The following CPED1 variants were observed in gnomAD, a reference collection of about 807,000 sequenced individuals.
The protein encoded by CPED1 is cadherin-like and PC-esterase domain-containing protein 1.
CPED1 carries 114 observed loss-of-function variants against 128.2 expected under a neutral mutation model. The ratio of observed to expected loss-of-function variants is 0.89; its 90% CI spans 0.76 to 1.04. CPED1 has a LOEUF of 1.04. Among genes scored for constraint, CPED1 ranks in the 50% least tolerant of loss-of-function variants. The pLI is 0.00. For synonymous variants in CPED1, 462 were observed against 426.7 expected (o/e 1.08, Z -1.02); for missense variants, 1,211 against 1,207.1 (o/e 1.00, Z -0.05).
In CPED1 at chr7:121,142,145, A is replaced by T. The variant is rs1432453150; in HGVS notation, c.2055+4A>T. On this transcript the variant is annotated splice_donor_region_variant and intron_variant, in intron 16 of 22. Transcript: ENST00000310396. The stretch of plus-strand genomic sequence containing the variant: ...CACAGCATGTGGTTTTGTGCAGGTA[A>T]GTGAAGTTTACATTTGCACTTGGGT... 1.3e-6 allele frequency: 2 copies of T among 1,589,524 alleles called. No individual in the cohort carries two copies. The highest frequency in any genetic ancestry group is 4.5e-5 in the East Asian group (2 of 44,534).
intron 4 of CPED1, chr7:121,050,465 T>TTTTC (rs1439314766): frequency 1.2e-4 from 17 of 147,456 alleles, no homozygotes; most frequent in African/African-American, 3.8e-4. Flanking sequence ...TATAGGTTTT[T>TTTTC]TTTTTTTTTT....
chr7:121,117,077 T>TTATATATATATATATATATATATATATA (rs34007948), intron 7 of CPED1, among the ~76,000 whole-genome samples: 2 of 128,776 alleles, frequency 1.6e-5, no homozygotes, highest in African/African-American at 6.0e-5. Context: ...TATATACACA[T>TTATATATATATATATATATATATATATA]TATATATATA....
intron 16 of CPED1, among the ~76,000 whole-genome samples, chr7:121,226,953 A>T (rs922676429): frequency 2.6e-5 from 4 of 152,142 alleles, no homozygotes; most frequent in African/African-American, 9.7e-5. Context: ...AAAATAATTC[A>T]TTCCTTCAGA....
intron 2 of CPED1, among the ~76,000 whole-genome samples, chr7:121,005,029 A>G (rs1441444980): frequency 6.6e-6 from 1 of 152,164 alleles, no homozygotes; most frequent in Admixed American, 6.6e-5. Flanking sequence ...CTTATTTAGT[A>G]TTTTAAAATT....
chr7:121,240,153 A>T (rs543336479), intron 17 of CPED1, among the ~76,000 whole-genome samples: 25 of 152,316 alleles, frequency 1.6e-4, no homozygotes, highest in African/African-American at 5.8e-4. Flanking sequence ...CAGAGACCCA[A>T]TCAGGCTTCC....
At chr7:121,138,951 T>G (rs1282502782) in intron 14 of CPED1, among the ~76,000 whole-genome samples, 8 of 151,990 alleles carry the variant, frequency 5.3e-5, no homozygotes, top group Admixed American at 2.0e-4. Flanking sequence ...ACGGAGAAAT[T>G]TCTGGAGAAA....
intron 16 of CPED1, among the ~76,000 whole-genome samples, chr7:121,170,155 G>A (rs531366663): frequency 6.6e-6 from 1 of 152,328 alleles, no homozygotes; most frequent in East Asian, 1.9e-4. Flanking sequence ...ATGATGAAGA[G>A]TGAGTCCATA....
At chr7:121,138,006 G>A (rs1795821402) in intron 14 of CPED1, among the ~76,000 whole-genome samples, 1 of 151,760 alleles carries the variant, frequency 6.6e-6, no homozygotes, top group African/African-American at 2.4e-5. Flanking sequence ...ATGTGAATAT[G>A]TTAGATAGGC....
At chr7:121,107,951 C>T (rs1023081632) in intron 7 of CPED1, among the ~76,000 whole-genome samples, 15 of 152,140 alleles carry the variant, frequency 9.9e-5, no homozygotes, top group African/African-American at 3.4e-4. Context: ...TTGCATTTGT[C>T]TTATGTGATT....
At chr7:121,122,178 T>C (rs1795407958) in intron 7 of CPED1, among the ~76,000 whole-genome samples, 1 of 149,382 alleles carries the variant, frequency 6.7e-6, no homozygotes, top group Non-Finnish European at 1.5e-5. Context: ...TCTCGCTCTG[T>C]CACCCAGGCT....
At chr7:121,003,474 T>C (rs979837946) in intron 2 of CPED1, among the ~76,000 whole-genome samples, 3 of 152,238 alleles carry the variant, frequency 2.0e-5, no homozygotes, top group Admixed American at 6.5e-5. Flanking sequence ...TATTATTCCT[T>C]CCTTTAGGAA....
intron 7 of CPED1, among the ~76,000 whole-genome samples, chr7:121,119,406 C>T (rs1795331564): frequency 6.6e-6 from 1 of 150,874 alleles, no homozygotes; most frequent in African/African-American, 2.4e-5. Flanking sequence ...ACCTCGTGAT[C>T]CACCCGCTTC....
intron 5 of CPED1, chr7:121,083,786 T>C (rs73215357): frequency 0.095 from 14,481 of 152,240 alleles, 767 homozygotes; most frequent in Middle Eastern, 0.15. Context: ...TCAGACCAGA[T>C]TGAGCACTTT....
At chr7:121,237,131 A>C (rs1408714370) in intron 17 of CPED1, among the ~76,000 whole-genome samples, 2 of 152,132 alleles carry the variant, frequency 1.3e-5, no homozygotes, top group Non-Finnish European at 2.9e-5. Flanking sequence ...TTTATTATAT[A>C]GTTGATAGCA....
In CPED1 at chr7:121,241,347, CAAAAAAAAAAAAAAAAAAAAA is replaced by C. The variant is rs1030223751; in HGVS notation, c.2174-2837_2174-2817del. On this transcript the variant is annotated intron_variant, in intron 17 of 22. Coordinates refer to ENST00000310396, the MANE Select transcript of CPED1 (RefSeq NM_024913.5). ...TGGGCGACAGAGCGAGACTCCGTCT[CAAAAAAAAAAAAAAAAAAAAA>C]AAAAAAAAAAAAAAAAAGAAATTAT... 9.0e-4 allele frequency among the ~76,000 whole-genome samples: 5 copies of C among 5,556 alleles called. 1 individual carries two copies. Among genetic ancestry groups the C allele is most frequent in the South Asian group, 0.013 (1 of 76 alleles). The allele number at this position is 5,556 out of a possible 152,430, so 3.6% of individuals were successfully genotyped here. A position where few individuals can be genotyped will look rare whatever the true frequency, so the allele number is the denominator to read the frequency against.
intron 16 of CPED1, among the ~76,000 whole-genome samples, chr7:121,172,771 A>T (rs1303224828): frequency 1.3e-5 from 2 of 152,178 alleles, no homozygotes; most frequent in Non-Finnish European, 2.9e-5. Context: ...TAAAAAAGTC[A>T]GTTCCCAACT....
chr7:121,175,541 A>G (rs901598491), intron 16 of CPED1, among the ~76,000 whole-genome samples: 4 of 152,102 alleles, frequency 2.6e-5, no homozygotes, highest in Non-Finnish European at 5.9e-5. Flanking sequence ...TAGTGGATGG[A>G]TTGGCTTTCA....
intron 5 of CPED1, among the ~76,000 whole-genome samples, chr7:121,077,334 T>A (rs1794155612): frequency 6.6e-6 from 1 of 152,202 alleles, no homozygotes; most frequent in African/African-American, 2.4e-5. Context: ...TGACTGGACA[T>A]GCATTTTTTC....
intron 5 of CPED1, among the ~76,000 whole-genome samples, chr7:121,088,503 CA>C (rs1209809274): frequency 6.6e-6 from 1 of 151,298 alleles, no homozygotes; most frequent in Non-Finnish European, 1.5e-5. Flanking sequence ...ACTAAAAATA[CA>C]AAAAATTAGT....
Sources: gnomAD v4.1 joint callset for allele counts (sites outside exome capture counted in the v4.1 genomes callset) on GRCh38, gnomAD v4.1.1 for gene constraint, MANE v1.5 for transcripts, NCBI Gene and HGNC (gene_info 2026-07-23, HGNC 2026-07-21) for gene names.